The following TPO variants were observed in gnomAD, a reference collection of about 807,000 sequenced individuals.
TPO encodes the protein thyroid microsomal antigen.
TPO carries 78 observed loss-of-function variants against 96.9 expected under a neutral mutation model. That is an observed-to-expected ratio of 0.81 (90% confidence interval 0.67 to 0.97). The LOEUF (loss-of-function observed/expected upper bound fraction) is 0.97. Among genes scored for constraint, TPO ranks in the 50% least tolerant of loss-of-function variants. TPO has a pLI of 0.00. For synonymous variants in TPO, 547 were observed against 538.0 expected (o/e 1.02, Z -0.23); for missense variants, 1,252 against 1,274.8 (o/e 0.98, Z 0.27).
chr2:1,527,803 CTG>C (rs1676939293), intron 15 of TPO, among the ~76,000 whole-genome samples: 1 of 135,082 alleles, frequency 7.4e-6, no homozygotes, highest in Admixed American at 7.5e-5. Context: ...ATCCCACACA[CTG>C]TATGCAACCT....
intron 13 of TPO, 61 bp downstream of exon 13, chr2:1,496,826 A>C: frequency 1.2e-6 from 2 of 1,609,002 alleles, no homozygotes; most frequent in Non-Finnish European, 1.7e-6. Flanking sequence ...TAAGTTAACA[A>C]TGCAATGTCA....
At chr2:1,401,593 G>A (rs565812880) in intron 1 of TPO, among the ~76,000 whole-genome samples, 2 of 152,070 alleles carry the variant, frequency 1.3e-5, no homozygotes, top group East Asian at 3.9e-4. Flanking sequence ...CTCCCCTCAG[G>A]ACCAGACAAG....
At chr2:1,474,841 A>G (rs567121417) in intron 7 of TPO, among the ~76,000 whole-genome samples, 2 of 152,348 alleles carry the variant, frequency 1.3e-5, no homozygotes, top group Admixed American at 1.3e-4. Context: ...GTTGTGAAGC[A>G]GGGCTTCATG....
intron 14 of TPO, among the ~76,000 whole-genome samples, chr2:1,512,015 C>G (rs1674185892): frequency 6.6e-6 from 1 of 152,142 alleles, no homozygotes; most frequent in South Asian, 2.1e-4. Flanking sequence ...ACAATTACAA[C>G]ATACATTTAT....
At chr2:1,448,987 A>G (rs901066517) in intron 5 of TPO, among the ~76,000 whole-genome samples, 1 of 152,172 alleles carries the variant, frequency 6.6e-6, no homozygotes, top group Non-Finnish European at 1.5e-5. Flanking sequence ...GAGCTGCAGG[A>G]AGCGATCCCA....
intron 1 of TPO, among the ~76,000 whole-genome samples, chr2:1,379,523 G>A (rs1661775746): frequency 6.6e-6 from 1 of 152,126 alleles, no homozygotes; most frequent in African/African-American, 2.4e-5. Flanking sequence ...TAAGCCCCTC[G>A]GCTCTGGGGC....
intron 5 of TPO, among the ~76,000 whole-genome samples, chr2:1,436,719 A>AC (rs765013908): frequency 3.9e-4 from 59 of 152,294 alleles, no homozygotes; most frequent in Middle Eastern, 6.8e-3. Flanking sequence ...TAGCTCCGCT[A>AC]CCCATTGTTT....
At chr2:1,533,179 C>T (rs1380588329) in intron 15 of TPO, among the ~76,000 whole-genome samples, 1 of 87,640 alleles carries the variant, frequency 1.1e-5, no homozygotes, top group Non-Finnish European at 2.0e-5. Context: ...CTTCCCAAAT[C>T]CCCCCACTGT....
chr2:1,529,747 TC>T (rs1211302696), intron 15 of TPO, among the ~76,000 whole-genome samples: 3 of 39,920 alleles, frequency 7.5e-5, no homozygotes, highest in Non-Finnish European at 1.4e-4. Flanking sequence ...TCTCCTCAAA[TC>T]CCCCCACTGT....
intron 1 of TPO, among the ~76,000 whole-genome samples, chr2:1,388,505 G>A (rs143891107): frequency 3.8e-3 from 574 of 152,324 alleles, no homozygotes; most frequent in African/African-American, 0.013. Context: ...AGGACCCTCC[G>A]AGCCAGGCGT....
At chr2:1,387,156 A>C (rs1661912891) in intron 1 of TPO, among the ~76,000 whole-genome samples, 1 of 151,932 alleles carries the variant, frequency 6.6e-6, no homozygotes, top group Non-Finnish European at 1.5e-5. Context: ...TTTTTCCTTC[A>C]TTTCAACTTT....
chr2:1,410,145 A>C (rs1004707514), upstream of TPO, among the ~76,000 whole-genome samples: 1 of 152,250 alleles, frequency 6.6e-6, no homozygotes, highest in Non-Finnish European at 1.5e-5. Flanking sequence ...ACACACACAA[A>C]AGGATGAATA....
intron 5 of TPO, among the ~76,000 whole-genome samples, chr2:1,447,893 G>C (rs1274721812): frequency 6.6e-6 from 1 of 152,214 alleles, no homozygotes; most frequent in Non-Finnish European, 1.5e-5. Flanking sequence ...ATGAGAGAGA[G>C]GGAGAGAACC....
intron 14 of TPO, among the ~76,000 whole-genome samples, chr2:1,513,253 A>C (rs1007609840): frequency 2.0e-5 from 3 of 152,250 alleles, no homozygotes; most frequent in African/African-American, 7.2e-5. Flanking sequence ...ACAGCAGCAG[A>C]GGCCTCGGCT....
intron 15 of TPO, among the ~76,000 whole-genome samples, chr2:1,517,443 C>T (rs1267031995): frequency 1.3e-5 from 2 of 152,194 alleles, no homozygotes; most frequent in African/African-American, 4.8e-5. Context: ...CTCAGACCCG[C>T]ACCTGAGAGG....
At chr2:1,428,413 G>A (rs777429405) in intron 3 of TPO, among the ~76,000 whole-genome samples, 9 of 152,198 alleles carry the variant, frequency 5.9e-5, no homozygotes, top group Non-Finnish European at 8.8e-5. Flanking sequence ...GCAAGGGAGA[G>A]TCCTCTGAGC....
At chr2:1,434,657 C>A (rs545804049) in intron 4 of TPO, among the ~76,000 whole-genome samples, 151 of 152,304 alleles carry the variant, frequency 9.9e-4, no homozygotes, top group African/African-American at 3.3e-3. Context: ...CACATGCTCA[C>A]TGCCGGGTCT....
intron 15 of TPO, among the ~76,000 whole-genome samples, chr2:1,533,299 A>T (rs1573622657): frequency 3.3e-5 from 1 of 30,082 alleles, no homozygotes; most frequent in Non-Finnish European, 5.4e-5. Context: ...AATCTCCCCA[A>T]ATCCCCCCCA....
chr2:1,540,661 T>G lies in TPO; in HGVS notation c.2686T>G (p.Cys896Gly), dbSNP rs529392177. ...AGGCGGAGGAACTCCCGAGCTGAGA[T>G]GCGGAAAGCACCAGGCCGTAGGGAC... ...ETGGGTPELRCGKHQAVGTSP... is the reference protein window; with the variant it reads ...ETGGGTPELRGGKHQAVGTSP... The change falls in exon 16 of 17, where the codon TGC becomes GGC. Residue 896 changes from cysteine to glycine, a missense_variant. Coordinates refer to ENST00000329066, the MANE Select transcript of TPO (RefSeq NM_001206744.2). 12 of 1,613,462 alleles carry G rather than the reference T, an allele frequency of 7.4e-6. No individual in the cohort carries two copies. In the South Asian group the frequency reaches 1.1e-4, roughly 15 times the overall value.
Sources: allele counts gnomAD v4.1 joint callset (sites outside exome capture counted in the v4.1 genomes callset), GRCh38; gene constraint gnomAD v4.1.1; transcripts MANE v1.5; gene names NCBI Gene and HGNC (gene_info 2026-07-23, HGNC 2026-07-21).